ME1: variants seen among roughly 807,000 people sequenced by gnomAD.
ME1 encodes NADP-dependent malic enzyme.
In ME1, 74 loss-of-function variants were observed where a neutral mutation model predicts 66.4. The observed-to-expected ratio is 1.11, with a 90% CI of 0.92 to 1.35. ME1 has a LOEUF of 1.35. Among genes scored for constraint, ME1 ranks in the 40% most tolerant of loss-of-function variants. The pLI, the probability that ME1 is intolerant of heterozygous loss-of-function variation, is 0.00. For missense variants in ME1, 750 were observed against 694.1 expected, an observed-to-expected ratio of 1.08 and a Z score of -0.90; for synonymous variants, 251 against 235.6, an observed-to-expected ratio of 1.07 and a Z score of -0.60.
intron 1 of ME1, among the ~76,000 whole-genome samples, chr6:83,412,457 C>T (rs1770070063): frequency 1.3e-5 from 2 of 151,834 alleles, no homozygotes; most frequent in South Asian, 4.2e-4. Flanking sequence ...AAAAATGTGT[C>T]GGATTAACTA....
At chr6:83,230,221 G>A (rs139559752) in intron 9 of ME1, among the ~76,000 whole-genome samples, 301 of 151,608 alleles carry the variant, frequency 2.0e-3, no homozygotes, top group African/African-American at 6.2e-3. Context: ...ATGTTGCCCA[G>A]GCTGGAGTGC....
At chr6:83,368,308 T>C (rs1436298656) in intron 3 of ME1, among the ~76,000 whole-genome samples, 1 of 150,234 alleles carries the variant, frequency 6.7e-6, no homozygotes, top group Non-Finnish European at 1.5e-5. Context: ...AGTGAACACA[T>C]GCTATTGGAA....
intron 6 of ME1, among the ~76,000 whole-genome samples, chr6:83,271,559 G>T (rs543398230): frequency 2.0e-5 from 3 of 152,096 alleles, no homozygotes; most frequent in African/African-American, 7.2e-5. Flanking sequence ...CATTAGTCAC[G>T]TATTAGTCAT....
intron 9 of ME1, among the ~76,000 whole-genome samples, chr6:83,230,262 C>T (rs531685471): frequency 1.8e-4 from 28 of 151,862 alleles, no homozygotes; most frequent in African/African-American, 6.5e-4. Context: ...CCGCAACCTC[C>T]GCCTCCCGGG....
intron 7 of ME1, among the ~76,000 whole-genome samples, chr6:83,243,871 C>T (rs1259103317): frequency 8.8e-6 from 1 of 113,746 alleles, no homozygotes; most frequent in African/African-American, 3.5e-5. Context: ...ATAACTCTCT[C>T]TCTATATGTG....
chr6:83,383,889 T>G (rs1280031398), intron 3 of ME1, among the ~76,000 whole-genome samples: 1 of 151,912 alleles, frequency 6.6e-6, no homozygotes, highest in African/African-American at 2.4e-5. Flanking sequence ...TCAACTATTT[T>G]ATAAATTTTA....
At chr6:83,376,974 G>T (rs937727240) in intron 3 of ME1, among the ~76,000 whole-genome samples, 1 of 152,098 alleles carries the variant, frequency 6.6e-6, no homozygotes, top group Non-Finnish European at 1.5e-5. Flanking sequence ...ATCAAGGAAT[G>T]AAATCTGTAA....
chr6:83,312,010 G>A (rs1443799523), intron 6 of ME1, among the ~76,000 whole-genome samples: 5 of 152,082 alleles, frequency 3.3e-5, no homozygotes, highest in South Asian at 2.1e-4. Context: ...CTCAGCTTCC[G>A]AACCTGAGTT....
intron 9 of ME1, among the ~76,000 whole-genome samples, chr6:83,237,033 GT>G (rs11451018): frequency 2.5e-3 from 362 of 145,038 alleles, no homozygotes; most frequent in Middle Eastern, 7.0e-3. Flanking sequence ...AAGCTGTACA[GT>G]TTTTTTTTTT....
At chr6:83,276,151 ACT>A (rs1158421123) in intron 6 of ME1, among the ~76,000 whole-genome samples, 8 of 152,036 alleles carry the variant, frequency 5.3e-5, no homozygotes, top group African/African-American at 1.4e-4. Context: ...TGCATTGAAG[ACT>A]CTGTAATAAA....
Position 83,369,987 on chromosome 6 carries a change from C to T in ME1, c.363-17848G>A, listed in dbSNP as rs550317592. Among the ~76,000 whole-genome samples the T allele has an allele frequency of 4.0e-5, 6 of 151,696 alleles. No homozygotes were observed. In the East Asian group the frequency reaches 7.7e-4, roughly 20 times the overall value. ...TAGGAAAGGTTTTAAAAGGATGCAG[C>T]GGAGAAGATATGAAGAGAAAAAGAT... On this transcript the variant is annotated intron_variant, in intron 3 of 13. Transcript: ENST00000369705.
At chr6:83,258,687 T>C (rs1251154138) in intron 6 of ME1, among the ~76,000 whole-genome samples, 2 of 152,148 alleles carry the variant, frequency 1.3e-5, no homozygotes, top group African/African-American at 4.8e-5. Context: ...TTTACAGGGA[T>C]TATCTCAATT....
chr6:83,386,839 G>A (rs1050599232), intron 3 of ME1, among the ~76,000 whole-genome samples: 10 of 152,062 alleles, frequency 6.6e-5, no homozygotes, highest in African/African-American at 2.2e-4. Flanking sequence ...TTTCTGCAAC[G>A]TGAGGAAATA....
At chr6:83,317,832 C>A (rs1768065037) in intron 5 of ME1, among the ~76,000 whole-genome samples, 2 of 152,096 alleles carry the variant, frequency 1.3e-5, no homozygotes, top group African/African-American at 4.8e-5. Flanking sequence ...AAAAAAGAGC[C>A]CGCACTGCCA....
At chr6:83,247,114 A>T (rs907991577) in intron 7 of ME1, among the ~76,000 whole-genome samples, 1 of 152,122 alleles carries the variant, frequency 6.6e-6, no homozygotes, top group Non-Finnish European at 1.5e-5. Flanking sequence ...TGTATTTTTT[A>T]AAAATACTAA....
At chr6:83,409,225 A>G (rs1003244734) in intron 1 of ME1, among the ~76,000 whole-genome samples, 3 of 152,216 alleles carry the variant, frequency 2.0e-5, no homozygotes, top group Non-Finnish European at 4.4e-5. Flanking sequence ...AGTACATGGT[A>G]TTCCGTTATG....
intron 6 of ME1, among the ~76,000 whole-genome samples, chr6:83,280,491 G>C (rs2031170): frequency 0.019 from 2,852 of 152,238 alleles, 117 homozygotes; most frequent in East Asian, 0.17. Flanking sequence ...GTATATAATT[G>C]ATAGGCTAAA....
intron 7 of ME1, among the ~76,000 whole-genome samples, chr6:83,250,182 T>A (rs1790698439): frequency 6.6e-6 from 1 of 151,090 alleles, no homozygotes; most frequent in Non-Finnish European, 1.5e-5. Context: ...AGATCTGTTT[T>A]TTTTTATTTT....
At chr6:83,326,306 A>C (rs1467338190) in intron 5 of ME1, among the ~76,000 whole-genome samples, 1 of 152,256 alleles carries the variant, frequency 6.6e-6, no homozygotes, top group Admixed American at 6.5e-5. Flanking sequence ...AAACCTTGGG[A>C]ATACCATTCA....
Sources: gnomAD v4.1 joint callset for allele counts (sites outside exome capture counted in the v4.1 genomes callset) on GRCh38, gnomAD v4.1.1 for gene constraint, MANE v1.5 for transcripts, NCBI Gene and HGNC (gene_info 2026-07-23, HGNC 2026-07-21) for gene names.